The following CLASP1 variants were observed in gnomAD, a reference collection of about 807,000 sequenced individuals.
CLASP1 encodes the protein cytoplasmic linker associated protein 1, also known as CLIP-associating protein 1.
A neutral mutation model predicts 192.3 loss-of-function variants in CLASP1; 38 were observed. The observed-to-expected ratio is 0.20, with a 90% CI of 0.15 to 0.26. CLASP1 has a LOEUF of 0.26. Among genes scored for constraint, CLASP1 ranks in the 10% least tolerant of loss-of-function variants. The pLI, the probability that CLASP1 is intolerant of heterozygous loss-of-function variation, is 1.00. For synonymous variants in CLASP1, 691 were observed against 712.8 expected, an observed-to-expected ratio of 0.97 and a Z score of 0.49; for missense variants, 1,433 against 1,932.5, an observed-to-expected ratio of 0.74 and a Z score of 4.85.
intron 32 of CLASP1, among the ~76,000 whole-genome samples, chr2:121,384,721 A>G (rs1006309396): frequency 6.6e-6 from 1 of 152,206 alleles, no homozygotes; most frequent in Non-Finnish European, 1.5e-5. Flanking sequence ...TTTCTACTAA[A>G]AATACAAAAA....
chr2:121,566,547 C>T (rs2059518739), intron 2 of CLASP1, among the ~76,000 whole-genome samples: 1 of 152,184 alleles, frequency 6.6e-6, no homozygotes, highest in Non-Finnish European at 1.5e-5. Context: ...AACAGGACTT[C>T]CTTAGGTGAG....
intron 34 of CLASP1, among the ~76,000 whole-genome samples, chr2:121,368,930 C>G (rs2068017237): frequency 6.6e-6 from 1 of 152,050 alleles, no homozygotes; most frequent in Admixed American, 6.6e-5. Context: ...CTATGTATAC[C>G]CAAAACTTTC....
intron 19 of CLASP1, among the ~76,000 whole-genome samples, 196 bp from the exon 20 acceptor site, chr2:121,430,373 C>T (rs558840207): frequency 3.9e-4 from 60 of 152,392 alleles, no homozygotes; most frequent in African/African-American, 1.1e-3. Flanking sequence ...ATATGATCCA[C>T]GCACAACTGT....
At chr2:121,478,650 A>ACACACACACCC (rs2091978975) in intron 8 of CLASP1, among the ~76,000 whole-genome samples, 1 of 52,404 alleles carries the variant, frequency 1.9e-5, no homozygotes, top group African/African-American at 1.3e-4. Context: ...CACACCCCCC[A>ACACACACACCC]CACACACACA....
chr2:121,456,639 T>C (rs773835579), intron 14 of CLASP1, among the ~76,000 whole-genome samples: 27 of 152,114 alleles, frequency 1.8e-4, no homozygotes, highest in Non-Finnish European at 3.4e-4. Context: ...CTGGCCAATT[T>C]GTTAAAAATA....
At chr2:121,416,217 T>A (rs2078547402) in intron 23 of CLASP1, among the ~76,000 whole-genome samples, 1 of 152,168 alleles carries the variant, frequency 6.6e-6, no homozygotes, top group Admixed American at 6.5e-5. Flanking sequence ...ATTCACAAGT[T>A]AACACCCAAC....
intron 34 of CLASP1, among the ~76,000 whole-genome samples, chr2:121,371,627 T>C (rs2068755546): frequency 6.6e-6 from 1 of 151,888 alleles, no homozygotes; most frequent in Non-Finnish European, 1.5e-5. Context: ...TCACAACAAG[T>C]CCCCCGCTTC....
intron 2 of CLASP1, among the ~76,000 whole-genome samples, chr2:121,565,980 T>G (rs1049561273): frequency 3.3e-5 from 5 of 152,200 alleles, no homozygotes; most frequent in Admixed American, 6.5e-5. Context: ...GCAGGGTTGT[T>G]TCAGGGACGG....
intron 1 of CLASP1, among the ~76,000 whole-genome samples, chr2:121,635,823 C>T (rs917524408): frequency 5.3e-5 from 8 of 152,170 alleles, no homozygotes; most frequent in Non-Finnish European, 1.0e-4. Flanking sequence ...AATGAAAAGG[C>T]AAAATCTAGA....
intron 2 of CLASP1, among the ~76,000 whole-genome samples, chr2:121,560,443 T>G (rs867565985): frequency 1.1e-4 from 16 of 152,202 alleles, no homozygotes; most frequent in Admixed American, 6.5e-4. Flanking sequence ...TACACATAAA[T>G]TCGAAATTTA....
chr2:121,624,076 C>G lies in CLASP1; in HGVS notation c.-285-17896G>C, dbSNP rs909359109. 2.6e-5 allele frequency among the ~76,000 whole-genome samples: 4 copies of G among 152,048 alleles called. No individual in the cohort carries two copies. The East Asian group carries it at 7.7e-4, about 29-fold the overall frequency. ...CTCAAGGTTTGTGCATTTTGTTGAT[C>G]TTTGCACAGAACCTATTTTTGGTTT... On this transcript the variant is annotated intron_variant, in intron 1 of 39. Transcript: ENST00000263710.
At chr2:121,463,935 G>A (rs1041454772) in intron 9 of CLASP1, among the ~76,000 whole-genome samples, 19 of 151,414 alleles carry the variant, frequency 1.3e-4, no homozygotes, top group African/African-American at 3.1e-4. Context: ...ATGCTGGTGC[G>A]CTGCACCCAT....
At chr2:121,516,398 G>C (rs1168867891) in intron 6 of CLASP1, among the ~76,000 whole-genome samples, 2 of 152,230 alleles carry the variant, frequency 1.3e-5, no homozygotes, top group African/African-American at 4.8e-5. Flanking sequence ...GGAACAGCAG[G>C]ATTTCACCAG....
chr2:121,601,855 A>G lies in CLASP1; in HGVS notation c.195+3846T>C, dbSNP rs115048489. On this transcript the variant is annotated intron_variant, in intron 2 of 39. Coordinates refer to ENST00000263710, the Ensembl canonical transcript of CLASP1. ...TGAGTAGCATTTCTATACACCAACA[A>G]CAAACTAGCTAAAAAAAGAAATCAA... Among the ~76,000 whole-genome samples, 744 of 152,134 alleles carry G rather than the reference A, an allele frequency of 4.9e-3. 8 individuals are homozygous for G. The highest frequency in any genetic ancestry group is 0.017 in the African/African-American group (721 of 41,502).
intron 32 of CLASP1, among the ~76,000 whole-genome samples, chr2:121,385,718 C>G (rs1413300198): frequency 1.3e-5 from 2 of 152,174 alleles, no homozygotes; most frequent in Non-Finnish European, 2.9e-5. Context: ...GAAAAGACTT[C>G]CCAATTAATG....
chr2:121,489,619 C>A (rs1333591864), intron 8 of CLASP1, among the ~76,000 whole-genome samples: 1 of 152,218 alleles, frequency 6.6e-6, no homozygotes, highest in Non-Finnish European at 1.5e-5. Flanking sequence ...CCTTTAAATG[C>A]AAACCCTGTT....
chr2:121,496,898 A>G (rs2093557223), intron 8 of CLASP1, among the ~76,000 whole-genome samples: 1 of 152,214 alleles, frequency 6.6e-6, no homozygotes, highest in South Asian at 2.1e-4. Flanking sequence ...AGCCATAAAA[A>G]AGAATGAAAT....
intron 24 of CLASP1, among the ~76,000 whole-genome samples, chr2:121,409,330 CATT>C (rs1431579226): frequency 6.6e-6 from 1 of 152,160 alleles, no homozygotes; most frequent in African/African-American, 2.4e-5. Context: ...CTAAGGTCAC[CATT>C]AATTCTACTA....
At chr2:121,442,424 C>T in intron 19 of CLASP1, among the ~76,000 whole-genome samples, 1 of 151,926 alleles carries the variant, frequency 6.6e-6, no homozygotes, top group South Asian at 2.1e-4. Context: ...ATATTTTTCT[C>T]AATTACTATA....
Sources: allele counts gnomAD v4.1 joint callset (sites outside exome capture counted in the v4.1 genomes callset), GRCh38; gene constraint gnomAD v4.1.1; transcripts MANE v1.5; gene names NCBI Gene and HGNC (gene_info 2026-07-23, HGNC 2026-07-21).